The following RHCG variants were observed in gnomAD, a reference collection of about 807,000 sequenced individuals.
RHCG encodes Rh family C glycoprotein.
Under a neutral mutation model 55.3 loss-of-function variants are expected in RHCG, and 39 were observed. That is an observed-to-expected ratio of 0.70 (90% CI 0.55 to 0.92). RHCG has a LOEUF of 0.92. Ranked by LOEUF, RHCG falls within the 40% of genes least tolerant of loss-of-function variation. The probability of loss-of-function intolerance (pLI) is 0.00; values close to 1 mark genes in which losing one functional copy is unlikely to be tolerated. For missense variants in RHCG, 635 were observed against 627.9 expected, an observed-to-expected ratio of 1.01 and a Z score of -0.12; for synonymous variants, 250 against 246.8, an observed-to-expected ratio of 1.01 and a Z score of -0.12.
At chr15:89,476,078 C>A (rs1961144479) in intron 9 of RHCG, among the ~76,000 whole-genome samples, 1 of 150,944 alleles carries the variant, frequency 6.6e-6, no homozygotes. Flanking sequence ...TCTCTCTCTC[C>A]CTGTCTCTCT....
In RHCG at chr15:89,477,107, C is replaced by T. The variant is rs775544185; in HGVS notation, c.1212G>A (p.Met404Ile). 6.2e-7 allele frequency: 1 copy of T among 1,614,112 alleles called. No homozygotes were observed. Among genetic ancestry groups the T allele is most frequent in the East Asian group, 2.2e-5 (1 of 44,868 alleles). ...CCACAATGATGCCACCCATCAGGGCCATGGCCAGGGTCACCAAGAGACCAT... is the reference window on the plus strand; with the variant it reads ...CCACAATGATGCCACCCATCAGGGCTATGGCCAGGGTCACCAAGAGACCAT... ...QIYGLLVTLAMALMGGIIVGL... is the reference protein window; with the variant it reads ...QIYGLLVTLAIALMGGIIVGL... The change falls in exon 8 of 11, where the codon ATG (methionine) becomes ATA (isoleucine). Residue 404 changes from methionine to isoleucine, a missense_variant. Physicochemically the swap from Met to Ile is conservative, Grantham distance 10 (BLOSUM62 1). Coordinates refer to ENST00000268122, the MANE Select transcript of RHCG (RefSeq NM_016321.3). This position sits in a 1 kb window ranked among gnomAD's most constrained non-coding sequence, Gnocchi z 4.5.
chr15:89,472,188 G>A (rs1197673703), intron 10 of RHCG, among the ~76,000 whole-genome samples: 1 of 152,230 alleles, frequency 6.6e-6, no homozygotes, highest in African/African-American at 2.4e-5. Flanking sequence ...TAAAATGAGG[G>A]CAGTAATTCT....
chr15:89,492,640 C>T (rs1268519985), intron 1 of RHCG, among the ~76,000 whole-genome samples: 1 of 152,216 alleles, frequency 6.6e-6, no homozygotes, highest in African/African-American at 2.4e-5. Flanking sequence ...CTGAGAGTGT[C>T]CAGCTCCTCT....
intron 5 of RHCG, 49 bp downstream of exon 5, chr15:89,479,273 C>G (rs746998585): frequency 1.3e-6 from 2 of 1,579,142 alleles, no homozygotes; most frequent in African/African-American, 2.7e-5. Flanking sequence ...GATCAGCGCC[C>G]TCCAGGCCCA....
At chr15:89,473,368 C>T (rs1023487180) in intron 9 of RHCG, among the ~76,000 whole-genome samples, 5 of 152,116 alleles carry the variant, frequency 3.3e-5, no homozygotes, top group African/African-American at 1.2e-4. Flanking sequence ...GGCAGGTCAG[C>T]CCTGCCCTTG....
chr15:89,486,599 AGTGTGTGTGT>A lies in RHCG; in HGVS notation c.371+190_371+199del, dbSNP rs778060424. 126 of 264,448 alleles carry A rather than the reference AGTGTGTGTGT, an allele frequency of 4.8e-4. No individual in the cohort carries two copies. In the African/African-American group the frequency reaches 5.0e-3, roughly 11 times the overall value. 16.4% of individuals were successfully genotyped at this position (264,448 alleles called of 1,614,324 possible). A position where few individuals can be genotyped will look rare whatever the true frequency, so the allele number is the denominator to read the frequency against. On this transcript the variant is annotated intron_variant, in intron 2 of 10. Coordinates refer to ENST00000268122, the MANE Select transcript of RHCG (RefSeq NM_016321.3). ...GAGAGAGAGAGAGAGAGAGAGAGAG[AGTGTGTGTGT>A]GTGTGTGTGTGTGTGTGTGTGTGTG...
chr15:89,490,538 T>C (rs985023090), intron 1 of RHCG, among the ~76,000 whole-genome samples: 2 of 152,196 alleles, frequency 1.3e-5, no homozygotes, highest in African/African-American at 2.4e-5. Context: ...ATTGAGCTGA[T>C]GTATGTGAAG....
At chr15:89,481,905 G>C (rs1180339199) in intron 3 of RHCG, among the ~76,000 whole-genome samples, 1 of 152,150 alleles carries the variant, frequency 6.6e-6, no homozygotes, top group Non-Finnish European at 1.5e-5. Flanking sequence ...GGGTTCAAGC[G>C]ATTCTCCTGC....
intron 5 of RHCG, among the ~76,000 whole-genome samples, 195 bp downstream of exon 5, chr15:89,479,127 A>AAAAC (rs1567225490): frequency 2.0e-5 from 3 of 150,954 alleles, no homozygotes; most frequent in African/African-American, 7.4e-5. Flanking sequence ...CAAAACAAAA[A>AAAAC]AAAACAAGAT....
intron 1 of RHCG, among the ~76,000 whole-genome samples, chr15:89,494,448 T>A (rs939660774): frequency 2.6e-5 from 4 of 152,020 alleles, no homozygotes; most frequent in African/African-American, 9.7e-5. Context: ...CTGATGATGA[T>A]AAATTGTATG....
intron 2 of RHCG, 186 bp downstream of exon 2, chr15:89,486,591 AGAGAGAGAGTGTGTGTGTGTGT>A: frequency 2.1e-6 from 1 of 471,572 alleles, no homozygotes; most frequent in African/African-American, 2.8e-5. Flanking sequence ...AGAGAGAGAG[AGAGAGAGAGTGTGTGTGTGTGT>A]GTGTGTGTGT....
Position 89,483,204 on chromosome 15 carries a change from C to A in RHCG, c.385G>T (p.Asp129Tyr). ...ACGCAGACAGAGGCCACGCAGAAGTCAGCGTTGATGAGGCTGTGGGGAGAC... is the reference window on the plus strand; with the variant it reads ...ACGCAGACAGAGGCCACGCAGAAGTAAGCGTTGATGAGGCTGTGGGGAGAC... ...VVGVENLINA[D>Y]FCVASVCVAF... Residue 129 changes from aspartate to tyrosine, a missense_variant, in exon 3 of 11, where the codon GAC becomes TAC. Physicochemically the swap from Asp to Tyr is radical, Grantham distance 160 (BLOSUM62 -3). Coordinates refer to ENST00000268122, the MANE Select transcript of RHCG (RefSeq NM_016321.3). 1 of 1,578,154 alleles carries A rather than the reference C, an allele frequency of 6.3e-7. No individual in the cohort carries two copies. The highest frequency in any genetic ancestry group is 1.1e-5 in the South Asian group (1 of 88,938).
intron 10 of RHCG, among the ~76,000 whole-genome samples, chr15:89,472,445 C>T (rs927669397): frequency 6.6e-6 from 1 of 152,150 alleles, no homozygotes; most frequent in African/African-American, 2.4e-5. Flanking sequence ...GTCACAAAGC[C>T]AAGTGTGCCC....
intron 8 of RHCG, 105 bp downstream of exon 8, chr15:89,476,977 G>T: frequency 6.4e-7 from 1 of 1,565,550 alleles, no homozygotes; most frequent in South Asian, 1.1e-5. Context: ...AGAGATCAGG[G>T]ATTCCTGGGG....
chr15:89,479,229 G>T, intron 5 of RHCG, 93 bp downstream of exon 5: 2 of 1,342,166 alleles, frequency 1.5e-6, no homozygotes, highest in Non-Finnish European at 2.0e-6. Context: ...AGATGGGTGT[G>T]ATGATCCCCT....
At chr15:89,481,675 C>T (rs182693007) in intron 3 of RHCG, among the ~76,000 whole-genome samples, 1 of 152,060 alleles carries the variant, frequency 6.6e-6, no homozygotes, top group Non-Finnish European at 1.5e-5. Context: ...GAAAAGTTGG[C>T]GCCAGAACAG....
At chr15:89,473,143 A>T (rs1363945410) in intron 9 of RHCG, among the ~76,000 whole-genome samples, 1 of 152,212 alleles carries the variant, frequency 6.6e-6, no homozygotes, top group East Asian at 1.9e-4. Context: ...ACCCAGTGAC[A>T]GTAAGAGTTG....
At chr15:89,479,099 C>CA (rs1308959208) in intron 5 of RHCG, among the ~76,000 whole-genome samples, 1 of 151,166 alleles carries the variant, frequency 6.6e-6, no homozygotes, top group South Asian at 2.1e-4. Flanking sequence ...GACTCCATCT[C>CA]AAAAAAACAA....
chr15:89,492,011 A>T (rs980663559), intron 1 of RHCG, among the ~76,000 whole-genome samples: 3 of 152,142 alleles, frequency 2.0e-5, no homozygotes, highest in Non-Finnish European at 1.5e-5. Context: ...CCATCATATA[A>T]GTTATTATTT....
Sources: allele counts gnomAD v4.1 joint callset (sites outside exome capture counted in the v4.1 genomes callset), GRCh38; gene constraint gnomAD v4.1.1; non-coding constraint Gnocchi (gnomAD v3.1); transcripts MANE v1.5; gene names NCBI Gene and HGNC (gene_info 2026-07-23, HGNC 2026-07-21).